The following SLC25A33 variants were observed in gnomAD, a reference collection of about 807,000 sequenced individuals.
The protein encoded by SLC25A33 is bone marrow stromal cell mitochondrial carrier protein.
A neutral mutation model predicts 35.5 loss-of-function variants in SLC25A33; 15 were observed. That is an observed-to-expected ratio of 0.42 (90% CI 0.28 to 0.65). The LOEUF is 0.65. Among genes scored for constraint, SLC25A33 ranks in the 30% least tolerant of loss-of-function variants. The pLI is 0.20. For missense variants in SLC25A33, 257 were observed against 398.5 expected (o/e 0.64, Z 3.02); for synonymous variants, 136 against 148.7 (o/e 0.91, Z 0.62).
At chr1:9,572,369 T>G (rs1643601415) in intron 4 of SLC25A33, among the ~76,000 whole-genome samples, 2 of 152,082 alleles carry the variant, frequency 1.3e-5, no homozygotes, top group South Asian at 4.2e-4. Context: ...CCCAGCACTT[T>G]GGGAGGCCGA....
intron 6 of SLC25A33, 152 bp downstream of exon 6, chr1:9,580,386 C>G: frequency 1.0e-6 from 1 of 992,122 alleles, no homozygotes; most frequent in Non-Finnish European, 1.5e-6. Flanking sequence ...ACCGCATGGA[C>G]AGAGGTCACG....
At chr1:9,555,779 G>A (rs1398631648) in intron 2 of SLC25A33, among the ~76,000 whole-genome samples, 2 of 152,260 alleles carry the variant, frequency 1.3e-5, no homozygotes, top group East Asian at 1.9e-4. Flanking sequence ...CTGCCTCCTC[G>A]GTTCAAGCGA....
At chr1:9,568,807 C>T (rs2100401285) in intron 3 of SLC25A33, among the ~76,000 whole-genome samples, 1 of 151,708 alleles carries the variant, frequency 6.6e-6, no homozygotes, top group South Asian at 2.1e-4. Flanking sequence ...GCTGAGATCG[C>T]TGCACTCCAG....
chr1:9,570,807 A>G (rs1194762781), intron 4 of SLC25A33, among the ~76,000 whole-genome samples: 2 of 149,278 alleles, frequency 1.3e-5, no homozygotes, highest in Middle Eastern at 3.5e-3. Context: ...CCTCCTCCCA[A>G]GTTAAAGTGG....
At chr1:9,571,855 C>T (rs775378147) in intron 4 of SLC25A33, among the ~76,000 whole-genome samples, 4 of 152,048 alleles carry the variant, frequency 2.6e-5, no homozygotes, top group South Asian at 2.1e-4. Flanking sequence ...TGCCCAAGCT[C>T]GTCTCGAACT....
At chr1:9,543,828 A>G (rs1158394360) in intron 1 of SLC25A33, among the ~76,000 whole-genome samples, 2 of 152,140 alleles carry the variant, frequency 1.3e-5, no homozygotes, top group East Asian at 3.9e-4. Context: ...AAACTAGGCC[A>G]GGTGTGGTGG....
At chr1:9,579,580 C>T (rs1643709476) in intron 5 of SLC25A33, among the ~76,000 whole-genome samples, 1 of 152,210 alleles carries the variant, frequency 6.6e-6, no homozygotes, top group African/African-American at 2.4e-5. Flanking sequence ...GGGGGCCACC[C>T]TCCAGGAGCC....
intron 2 of SLC25A33, chr1:9,556,112 C>A (rs1003863738): frequency 6.1e-6 from 5 of 818,772 alleles, no homozygotes; most frequent in Non-Finnish European, 7.4e-6. Flanking sequence ...AGGACAGATC[C>A]GAGTCCATGG....
At chr1:9,560,091 A>C (rs1382746979) in intron 2 of SLC25A33, among the ~76,000 whole-genome samples, 1 of 152,044 alleles carries the variant, frequency 6.6e-6, no homozygotes, top group Non-Finnish European at 1.5e-5. Context: ...GTCTCTACTA[A>C]AAATACAAAA....
intron 3 of SLC25A33, among the ~76,000 whole-genome samples, chr1:9,567,757 G>A (rs1254219145): frequency 2.0e-5 from 3 of 152,116 alleles, no homozygotes; most frequent in Admixed American, 2.0e-4. Flanking sequence ...TGACTCCAAC[G>A]CAGTTAGAAA....
intron 2 of SLC25A33, among the ~76,000 whole-genome samples, chr1:9,560,926 C>G (rs1380267055): frequency 6.7e-6 from 1 of 150,328 alleles, no homozygotes; most frequent in Non-Finnish European, 1.5e-5. Context: ...AAAGTTCTTA[C>G]TATTTAAACT....
Position 9,584,119 on chromosome 1 carries a change from G to A in SLC25A33, c.*1618G>A, listed in dbSNP as rs1194133752. 1 of 152,122 alleles carries A rather than the reference G, an allele frequency of 6.6e-6. No individual in the cohort carries two copies. Among genetic ancestry groups the A allele is most frequent in the Non-Finnish European group, 1.5e-5 (1 of 68,036 alleles). 9.4% of individuals were successfully genotyped at this position (152,122 alleles called of 1,614,324 possible). A position where few individuals can be genotyped will look rare whatever the true frequency, so the allele number is the denominator to read the frequency against. On this transcript the variant is annotated 3_prime_UTR_variant, in exon 7 of 7. Transcript: ENST00000302692. ...TAGTCTTCCATTAGCTCTTTCACTG[G>A]AATTTGAGTATATTGTACATGAAGG...
intron 2 of SLC25A33, among the ~76,000 whole-genome samples, chr1:9,565,776 G>A (rs1273028336): frequency 6.6e-6 from 1 of 151,138 alleles, no homozygotes. Context: ...TGCTCGGGGG[G>A]CTGAGGCAGG....
chr1:9,581,221 G>A (rs1299839295), intron 6 of SLC25A33, among the ~76,000 whole-genome samples: 3 of 152,170 alleles, frequency 2.0e-5, no homozygotes, highest in Non-Finnish European at 4.4e-5. Context: ...CCAACTCTAG[G>A]TGTCTGGGAA....
At chr1:9,548,635 A>G (rs1643215100) in intron 1 of SLC25A33, among the ~76,000 whole-genome samples, 1 of 152,222 alleles carries the variant, frequency 6.6e-6, no homozygotes, top group Non-Finnish European at 1.5e-5. Flanking sequence ...GGTTATAAAT[A>G]GAATGTTATT....
intron 2 of SLC25A33, among the ~76,000 whole-genome samples, chr1:9,564,739 A>AATATATATATATATATATAT (rs70979762): frequency 6.2e-4 from 60 of 96,516 alleles, no homozygotes; most frequent in Non-Finnish European, 9.2e-4. Context: ...AAAAAAAAAA[A>AATATATATATATATATATAT]ATATATATAT....
intron 2 of SLC25A33, among the ~76,000 whole-genome samples, chr1:9,555,310 G>C (rs145126951): frequency 1.5e-4 from 22 of 151,664 alleles, no homozygotes; most frequent in African/African-American, 5.1e-4. Context: ...AGTAGAGACG[G>C]GGTTTCACCA....
At position 9,539,588 on chromosome 1, in the gene SLC25A33, C is replaced by T. The variant is rs1320002933; in HGVS notation, c.-104C>T. The T allele has an allele frequency of 2.2e-6, 2 of 928,108 alleles. No homozygotes were observed. The highest frequency in any genetic ancestry group is 1.8e-5 in the African/African-American group (1 of 56,500). The allele number at this position is 928,108 out of a possible 1,614,324, so 57.5% of individuals were successfully genotyped here. ...GCGCATGGAGGCGTTGCCGGCAGCC[C>T]CCTGAGGGCAGCGGGGAGACAAGAC... On this transcript the variant is annotated 5_prime_UTR_variant, in exon 1 of 7. Coordinates refer to ENST00000302692, the MANE Select transcript of SLC25A33 (RefSeq NM_032315.3).
intron 5 of SLC25A33, chr1:9,576,869 C>T (rs1643667768): frequency 8.0e-7 from 1 of 1,256,222 alleles, no homozygotes; most frequent in Non-Finnish European, 1.1e-6. Context: ...TGACATCGAG[C>T]TTGTTTCAAA....
Sources: gnomAD v4.1 joint callset for allele counts (sites outside exome capture counted in the v4.1 genomes callset) on GRCh38, gnomAD v4.1.1 for gene constraint, MANE v1.5 for transcripts, NCBI Gene and HGNC (gene_info 2026-07-23, HGNC 2026-07-21) for gene names.